Variants in PSEN1 observed in about 807,000 individuals in gnomAD.
PSEN1 encodes presenilin 1, also known as presenilin-1.
Under a neutral mutation model 53.5 loss-of-function variants are expected in PSEN1, and 15 were observed. The observed-to-expected ratio is 0.28, with a 90% CI of 0.19 to 0.43. The LOEUF is 0.43. PSEN1 is among the 20% of genes least tolerant of loss of function. The pLI, the probability that PSEN1 is intolerant of heterozygous loss-of-function variation, is 1.00. For missense variants in PSEN1, 387 were observed against 571.2 expected, an observed-to-expected ratio of 0.68 and a Z score of 3.29; for synonymous variants, 208 against 209.8, an observed-to-expected ratio of 0.99 and a Z score of 0.08.
chr14:73,141,236 T>TG (rs1347292234), intron 1 of PSEN1, among the ~76,000 whole-genome samples: 1 of 151,776 alleles, frequency 6.6e-6, no homozygotes, highest in Non-Finnish European at 1.5e-5. Context: ...TTGGCCAGGC[T>TG]GGGGGAGGGA....
intron 3 of PSEN1, among the ~76,000 whole-genome samples, chr14:73,163,043 T>G (rs1897601887): frequency 6.6e-6 from 1 of 152,248 alleles, no homozygotes; most frequent in South Asian, 2.1e-4. Context: ...TTTATTTCCT[T>G]TCGATTATCA....
chr14:73,220,646 AAGG>A lies in PSEN1; in HGVS notation c.*1363_*1365del, dbSNP rs1287701903. 6.6e-6 allele frequency: 1 copy of A among 152,190 alleles called. No homozygotes were observed. The highest frequency in any genetic ancestry group is 2.4e-5 in the African/African-American group (1 of 41,460). The allele number at this position is 152,190 out of a possible 1,614,324, so 9.4% of individuals were successfully genotyped here. Reference sequence around the variant, plus strand: ...GGGGATACAGTGAGCTAATGATGTCAAGGAGGAGTTTCAGGTTATTCTCGTCAG... The same window carrying A: ...GGGGATACAGTGAGCTAATGATGTCAAGGAGTTTCAGGTTATTCTCGTCAG... On this transcript the variant is annotated 3_prime_UTR_variant, in exon 12 of 12. Transcript: ENST00000324501.
chr14:73,211,147 G>A (rs1238470258), intron 9 of PSEN1, among the ~76,000 whole-genome samples: 1 of 152,146 alleles, frequency 6.6e-6, no homozygotes, highest in African/African-American at 2.4e-5. Flanking sequence ...ATTCTTTCAC[G>A]TGACAGGAAG....
In PSEN1 at chr14:73,211,907, C is replaced by G; in HGVS notation, c.1094C>G (p.Ser365Cys). 1 of 1,613,818 alleles carries G rather than the reference C, an allele frequency of 6.2e-7. No individual in the cohort carries two copies. The highest frequency in any genetic ancestry group is 8.5e-7 in the Non-Finnish European group (1 of 1,179,966). Residue 365 changes from serine (S) to cysteine (C), a missense_variant, in exon 10 of 12, where the codon TCC becomes TGC. Ser to Cys is a moderately radical substitution (Grantham distance 112). Around this residue, in one of 4 missense-constraint regions of PSEN1, gnomAD observed 75 missense variants for 63.7 expected, o/e 1.18. Transcript: ENST00000324501. ...PESRAAVQEL[S>C]SSILAGEDPE... ...TCACGAGCTGCTGTCCAGGAACTTT[C>G]CAGCAGTATCCTCGCTGGTGAAGAC...
chr14:73,150,197 C>CT (rs1897177649), intron 3 of PSEN1, among the ~76,000 whole-genome samples: 1 of 152,002 alleles, frequency 6.6e-6, no homozygotes, highest in South Asian at 2.1e-4. Flanking sequence ...TTTTGATAAG[C>CT]TTTTTTTGCT....
At chr14:73,185,952 C>G (rs1898493441) in intron 5 of PSEN1, among the ~76,000 whole-genome samples, 3 of 152,154 alleles carry the variant, frequency 2.0e-5, no homozygotes, top group Non-Finnish European at 4.4e-5. Context: ...ATGGTAGACT[C>G]TAGGTGATAT....
rs182569663 is a variant in PSEN1, at chr14:73,206,550, C to T, written c.955+78C>T. ...GCTAACAGTATAGCAATGTTTTTATCGTCTTTCTTTGGTCATAGACTCCTT... is the reference window on the plus strand; with the variant it reads ...GCTAACAGTATAGCAATGTTTTTATTGTCTTTCTTTGGTCATAGACTCCTT... On this transcript the variant is annotated intron_variant, in intron 9 of 11. Coordinates refer to ENST00000324501, the MANE Select transcript of PSEN1 (RefSeq NM_000021.4). 323 of 1,011,782 alleles carry T rather than the reference C, an allele frequency of 3.2e-4. 2 individuals are homozygous for T. The highest frequency in any genetic ancestry group is 4.4e-4 in the Non-Finnish European group (286 of 650,234). The allele number at this position is 1,011,782 out of a possible 1,614,324, so 62.7% of individuals were successfully genotyped here.
chr14:73,177,456 T>C (rs1898078958), intron 5 of PSEN1, among the ~76,000 whole-genome samples: 1 of 152,206 alleles, frequency 6.6e-6, no homozygotes, highest in Admixed American at 6.5e-5. Flanking sequence ...TAGGCAAGAG[T>C]GCTAGGATTA....
intron 7 of PSEN1, among the ~76,000 whole-genome samples, chr14:73,193,612 A>T (rs146592791): frequency 6.7e-4 from 102 of 151,408 alleles, no homozygotes; most frequent in Middle Eastern, 6.9e-3. Context: ...CAAAATGCTC[A>T]ATTCATTTTT....
Position 73,170,659 on chromosome 14 carries a change from A to C in PSEN1, c.88-138A>C, listed in dbSNP as rs1421087597. The C allele has an allele frequency of 4.5e-6, 4 of 890,820 alleles. No individual in the cohort carries two copies. In the African/African-American group the frequency reaches 6.6e-5, roughly 15 times the overall value. The allele number at this position is 890,820 out of a possible 1,614,324, so 55.2% of individuals were successfully genotyped here. ...GATAATCTAGACTTTTAAACTGCAT[A>C]CTTCCTGTACATTGTTTTTTCTTGC... On this transcript the variant is annotated intron_variant, in intron 3 of 11. Transcript: ENST00000324501.
intron 7 of PSEN1, among the ~76,000 whole-genome samples, chr14:73,196,529 A>T (rs1595040367): frequency 2.3e-5 from 3 of 131,912 alleles, no homozygotes; most frequent in Admixed American, 9.0e-5. Flanking sequence ...TCACCTAGGC[A>T]GTGGCGCCAT....
At chr14:73,193,964 A>G (rs1365183207) in intron 7 of PSEN1, among the ~76,000 whole-genome samples, 1 of 152,120 alleles carries the variant, frequency 6.6e-6, no homozygotes, top group Non-Finnish European at 1.5e-5. Context: ...GCCTCAATTC[A>G]CTTTTAAAAT....
At chr14:73,213,942 T>C (rs1011407877) in intron 10 of PSEN1, among the ~76,000 whole-genome samples, 3 of 152,190 alleles carry the variant, frequency 2.0e-5, no homozygotes, top group Non-Finnish European at 2.9e-5. Context: ...GGTAGTTCTT[T>C]GAAAGATTAA....
chr14:73,194,784 G>A (rs1293586969), intron 7 of PSEN1, among the ~76,000 whole-genome samples: 3 of 150,940 alleles, frequency 2.0e-5, no homozygotes, highest in African/African-American at 7.3e-5. Flanking sequence ...TAGCCAGGAT[G>A]ATCTCGATCT....
intron 6 of PSEN1, among the ~76,000 whole-genome samples, chr14:73,190,349 C>A (rs986598589): frequency 6.6e-6 from 1 of 151,540 alleles, no homozygotes; most frequent in Non-Finnish European, 1.5e-5. Context: ...CTTAGCCAGG[C>A]GTGGTGGTGC....
At chr14:73,173,881 A>G (rs1236269513) in intron 5 of PSEN1, 174 bp downstream of exon 5, 2 of 803,718 alleles carry the variant, frequency 2.5e-6, no homozygotes, top group East Asian at 2.6e-5. Flanking sequence ...ACAAAAAGGA[A>G]GCCAGGTGCA....
chr14:73,156,690 T>G (rs1897364804), intron 3 of PSEN1, among the ~76,000 whole-genome samples: 4 of 151,030 alleles, frequency 2.6e-5, no homozygotes, highest in Non-Finnish European at 3.0e-5. Flanking sequence ...TGAGATGGAG[T>G]CTTGCTCTGT....
rs28660183 is a variant in PSEN1, at chr14:73,212,167, A to G, written c.1129+225A>G. Among the ~76,000 whole-genome samples the G allele has an allele frequency of 0.13, 15,956 of 121,680 alleles. 1,014 individuals carry two copies. The highest frequency in any genetic ancestry group is 0.22 in the African/African-American group (7,132 of 32,726). The allele number at this position is 121,680 out of a possible 152,430, so 79.8% of individuals were successfully genotyped here. On this transcript the variant is annotated intron_variant, in intron 10 of 11. Coordinates refer to ENST00000324501, the MANE Select transcript of PSEN1 (RefSeq NM_000021.4). ...CGCTCTGTCGCCAGGTTGGAGTGCA[A>G]TGGTGCGATCTTGGCTCACTGCAAG...
intron 10 of PSEN1, among the ~76,000 whole-genome samples, chr14:73,216,772 AT>A (rs1039804699): frequency 6.6e-6 from 1 of 152,036 alleles, no homozygotes; most frequent in African/African-American, 2.4e-5. Flanking sequence ...AAAAAAAAAA[AT>A]ATTAATTAAT....
Sources: allele counts gnomAD v4.1 joint callset (sites outside exome capture counted in the v4.1 genomes callset), GRCh38; gene constraint gnomAD v4.1.1; regional missense constraint gnomAD v4.1.1; transcripts MANE v1.5; gene names NCBI Gene and HGNC (gene_info 2026-07-23, HGNC 2026-07-21).